CRTAC1: variants seen among roughly 807,000 people sequenced by gnomAD.
CRTAC1 encodes the protein acidic secreted protein in cartilage.
A neutral mutation model predicts 67.8 loss-of-function variants in CRTAC1; 37 were observed. The ratio of observed to expected loss-of-function variants is 0.55; its 90% CI spans 0.42 to 0.72. The LOEUF (loss-of-function observed/expected upper bound fraction) is 0.72, where lower values mean the gene tolerates loss of function less well. Ranked by LOEUF, CRTAC1 falls within the 30% of genes least tolerant of loss-of-function variation. The pLI, the probability that CRTAC1 is intolerant of heterozygous loss-of-function variation, is 0.00. For synonymous variants in CRTAC1, 348 were observed against 371.0 expected (o/e 0.94, Z 0.71); for missense variants, 780 against 931.6 (o/e 0.84, Z 2.12).
At chr10:97,970,388 C>G (rs938567348) in intron 2 of CRTAC1, among the ~76,000 whole-genome samples, 1 of 152,190 alleles carries the variant, frequency 6.6e-6, no homozygotes, top group African/African-American at 2.4e-5. Context: ...GCTCAAAATC[C>G]TTCTCCTAAC....
chr10:97,987,596 C>T (rs539286308), intron 2 of CRTAC1, among the ~76,000 whole-genome samples: 273 of 152,308 alleles, frequency 1.8e-3, no homozygotes, highest in Middle Eastern at 6.8e-3. Flanking sequence ...TCCCTGTGAG[C>T]GGCGTTTATG....
At chr10:98,024,425 T>C (rs1843184122) in intron 1 of CRTAC1, among the ~76,000 whole-genome samples, 1 of 152,196 alleles carries the variant, frequency 6.6e-6, no homozygotes, top group Admixed American at 6.5e-5. Context: ...TGAAGTTCCT[T>C]GTGGAACTTC....
At position 97,936,332 on chromosome 10, in the gene CRTAC1, G is replaced by T. The variant is rs540857003; in HGVS notation, c.259C>A (p.Arg87=). 8 of 1,612,800 alleles carry T rather than the reference G, an allele frequency of 5.0e-6. No homozygotes were observed. Among genetic ancestry groups the T allele is most frequent in the Middle Eastern group, 1.7e-4 (1 of 6,052 alleles). Residue 87 remains arginine, a synonymous_variant, in exon 3 of 15, where the codon CGG becomes AGG. Coordinates refer to ENST00000370597, the MANE Select transcript of CRTAC1 (RefSeq NM_018058.7). The part of the protein sequence containing the change: ...NGPNLVLKYD[R]AQKRLVNIAV... The stretch of plus-strand genomic sequence containing the variant: ...ATGTTCACCAGCCGCTTCTGGGCCC[G>T]GTCATACTTCAGAACCAGGTTGGGT...
At chr10:97,879,022 G>A (rs1041156687) in intron 14 of CRTAC1, among the ~76,000 whole-genome samples, 3 of 152,150 alleles carry the variant, frequency 2.0e-5, no homozygotes, top group Admixed American at 1.3e-4. Context: ...ATCTCATGGT[G>A]GAAGGGCTGC....
chr10:97,950,248 G>C (rs12573493), intron 2 of CRTAC1, among the ~76,000 whole-genome samples: 3,448 of 58,314 alleles, frequency 0.059, 40 homozygotes, highest in East Asian at 0.14. Context: ...CACACACACA[G>C]AGAGAGAGAG....
intron 1 of CRTAC1, among the ~76,000 whole-genome samples, chr10:98,017,576 T>C (rs1843024282): frequency 6.6e-6 from 1 of 152,112 alleles, no homozygotes; most frequent in South Asian, 2.1e-4. Context: ...CTCTGTCAAC[T>C]AGGCTGGAGT....
At chr10:97,866,676 CTG>C (rs1184826349) in intron 14 of CRTAC1, 2 of 152,218 alleles carry the variant, frequency 1.3e-5, no homozygotes, top group African/African-American at 4.8e-5. Context: ...ATAAGCACAC[CTG>C]TGTGTGTCTG....
intron 8 of CRTAC1, among the ~76,000 whole-genome samples, chr10:97,900,426 C>A (rs886722193): frequency 2.0e-5 from 3 of 152,230 alleles, no homozygotes; most frequent in African/African-American, 7.2e-5. Context: ...AGTAAATAAA[C>A]CTGTATTTAC....
intron 3 of CRTAC1, among the ~76,000 whole-genome samples, chr10:97,935,081 G>T (rs1003642108): frequency 1.6e-4 from 24 of 152,192 alleles, no homozygotes; most frequent in African/African-American, 5.5e-4. Flanking sequence ...CCAAGAGGCA[G>T]TGAGGACATA....
intron 2 of CRTAC1, among the ~76,000 whole-genome samples, chr10:98,003,681 A>G (rs906070751): frequency 6.6e-6 from 1 of 152,244 alleles, no homozygotes; most frequent in African/African-American, 2.4e-5. Flanking sequence ...TTTGCCAGGT[A>G]AGATAACCTA....
chr10:98,015,427 GGT>G (rs1590294340), intron 1 of CRTAC1, among the ~76,000 whole-genome samples: 1 of 152,068 alleles, frequency 6.6e-6, no homozygotes, highest in East Asian at 1.9e-4. Flanking sequence ...GGTAGATGGT[GGT>G]GATGGTTGTA....
intron 2 of CRTAC1, among the ~76,000 whole-genome samples, chr10:98,009,369 A>G (rs115630921): frequency 1.5e-3 from 233 of 152,286 alleles, no homozygotes; most frequent in African/African-American, 5.3e-3. Context: ...TAGCACACCA[A>G]TCTACATCTA....
In CRTAC1 at chr10:97,880,315, T is replaced by C; in HGVS notation, c.1753A>G (p.Arg585Gly). 3 of 1,614,214 alleles carry C rather than the reference T, an allele frequency of 1.9e-6. No individual in the cohort carries two copies. Among genetic ancestry groups the C allele is most frequent in the Middle Eastern group, 3.3e-4 (2 of 6,062 alleles). ...CTGCACTTCTTGTTGGTCCGGCACC[T>C]GTAGCTTCCATAGGTGTTGACACAT... ...PVCVNTYGSY[R>G]CRTNKKCSRG... Residue 585 changes from arginine (R) to glycine (G), a missense_variant, in exon 14 of 15, where the codon AGG becomes GGG. By Grantham distance (125) the Arg-to-Gly change is moderately radical (BLOSUM62 -2). Transcript: ENST00000370597.
At chr10:97,971,501 C>T (rs979281211) in intron 2 of CRTAC1, among the ~76,000 whole-genome samples, 5 of 152,066 alleles carry the variant, frequency 3.3e-5, no homozygotes, top group Admixed American at 6.5e-5. Flanking sequence ...GGGGCCGGCG[C>T]GAGGAGAGAA....
At chr10:97,971,821 T>C (rs1188205782) in intron 2 of CRTAC1, among the ~76,000 whole-genome samples, 1 of 152,216 alleles carries the variant, frequency 6.6e-6, no homozygotes, top group Non-Finnish European at 1.5e-5. Context: ...ATATCAATGT[T>C]TGGCTTGAGG....
chr10:97,929,803 A>T (rs1017476378), intron 3 of CRTAC1, among the ~76,000 whole-genome samples: 11 of 152,252 alleles, frequency 7.2e-5, no homozygotes, highest in Admixed American at 5.9e-4. Flanking sequence ...CCAGGAAATC[A>T]CAGCACATGA....
At chr10:97,938,512 G>T (rs943969616) in intron 2 of CRTAC1, among the ~76,000 whole-genome samples, 1 of 152,194 alleles carries the variant, frequency 6.6e-6, no homozygotes, top group African/African-American at 2.4e-5. Context: ...TACACAACTT[G>T]TTAGTGGCAG....
chr10:97,879,865 T>TGGGGGGGGGTCGGGGGG, intron 14 of CRTAC1: 1 of 226,632 alleles, frequency 4.4e-6, no homozygotes, highest in Non-Finnish European at 8.7e-6. Context: ...GGGGACGGGG[T>TGGGGGGGGGTCGGGGGG]GGGGGTGGAG....
At chr10:97,976,926 A>C (rs1228589060) in intron 2 of CRTAC1, among the ~76,000 whole-genome samples, 2 of 152,220 alleles carry the variant, frequency 1.3e-5, no homozygotes, top group Non-Finnish European at 2.9e-5. Flanking sequence ...AATGTAGACA[A>C]ATATAGGCTA....
Sources: gnomAD v4.1 joint callset for allele counts (sites outside exome capture counted in the v4.1 genomes callset) on GRCh38, gnomAD v4.1.1 for gene constraint, MANE v1.5 for transcripts, NCBI Gene and HGNC (gene_info 2026-07-23, HGNC 2026-07-21) for gene names.